Variants in CPNE4 observed in about 807,000 individuals in gnomAD.
CPNE4 encodes copine 4, also known as copine-4.
In CPNE4, 25 loss-of-function variants were observed where a neutral mutation model predicts 67.9. The ratio of observed to expected loss-of-function variants is 0.37; its 90% confidence interval spans 0.27 to 0.51. CPNE4 has a LOEUF of 0.51. CPNE4 is among the 20% of genes least tolerant of loss of function. The probability of loss-of-function intolerance (pLI) is 0.93; values close to 1 mark genes in which losing one functional copy is unlikely to be tolerated. For missense variants in CPNE4, 464 were observed against 690.8 expected (o/e 0.67, Z 3.68); for synonymous variants, 242 against 244.9 (o/e 0.99, Z 0.11).
intron 2 of CPNE4, among the ~76,000 whole-genome samples, chr3:131,726,055 C>T (rs13088573): frequency 0.37 from 55,752 of 151,982 alleles, 10,371 homozygotes; most frequent in South Asian, 0.42. Flanking sequence ...AAGAAGTATG[C>T]TGTGGGTGCA....
intron 5 of CPNE4, among the ~76,000 whole-genome samples, chr3:131,686,321 C>G (rs2080888179): frequency 6.6e-6 from 1 of 152,162 alleles, no homozygotes; most frequent in Non-Finnish European, 1.5e-5. Context: ...TATCTGTTGT[C>G]TTAAACAGGT....
chr3:131,645,660 G>C (rs2079646333), intron 7 of CPNE4, among the ~76,000 whole-genome samples: 1 of 152,122 alleles, frequency 6.6e-6, no homozygotes, highest in Admixed American at 6.5e-5. Context: ...ATTCTTTGAA[G>C]TCTCAAGAGC....
intron 1 of CPNE4, among the ~76,000 whole-genome samples, chr3:131,929,099 A>G (rs2070978029): frequency 6.6e-6 from 1 of 151,650 alleles, no homozygotes; most frequent in South Asian, 2.1e-4. Flanking sequence ...GGGCTGGTTA[A>G]GATTTCTCAG....
chr3:131,939,687 G>A (rs2071333259), intron 1 of CPNE4, among the ~76,000 whole-genome samples: 1 of 152,104 alleles, frequency 6.6e-6, no homozygotes, highest in African/African-American at 2.4e-5. Context: ...GGCAGCCAGT[G>A]ACAGCACTTA....
At chr3:131,601,411 T>C (rs924593442) in intron 7 of CPNE4, among the ~76,000 whole-genome samples, 1 of 151,948 alleles carries the variant, frequency 6.6e-6, no homozygotes, top group African/African-American at 2.4e-5. Context: ...TGCAAATAAA[T>C]AATAGTGATG....
At chr3:131,824,773 T>G (rs888339749) in intron 2 of CPNE4, among the ~76,000 whole-genome samples, 1 of 152,108 alleles carries the variant, frequency 6.6e-6, no homozygotes, top group African/African-American at 2.4e-5. Flanking sequence ...AAAGTGTCCT[T>G]CTGCTTGCTG....
chr3:131,693,111 T>C (rs1437808651), intron 5 of CPNE4, among the ~76,000 whole-genome samples: 1 of 152,170 alleles, frequency 6.6e-6, no homozygotes, highest in African/African-American at 2.4e-5. Context: ...AGATGATTGC[T>C]AGTCTGTTGA....
intron 15 of CPNE4, among the ~76,000 whole-genome samples, chr3:131,542,071 A>G (rs1020577902): frequency 6.6e-5 from 10 of 152,316 alleles, no homozygotes; most frequent in African/African-American, 1.9e-4. Context: ...TTAGGTTTCT[A>G]TCATTTTGGA....
chr3:131,587,235 T>C (rs1938239295), intron 8 of CPNE4, among the ~76,000 whole-genome samples: 1 of 152,174 alleles, frequency 6.6e-6, no homozygotes, highest in South Asian at 2.1e-4. Context: ...TTAGAAATAC[T>C]CTCATCTAAC....
At chr3:131,942,056 A>G (rs1245277841) in intron 1 of CPNE4, among the ~76,000 whole-genome samples, 6 of 152,084 alleles carry the variant, frequency 3.9e-5, no homozygotes, top group African/African-American at 1.2e-4. Context: ...TCAAAAAACT[A>G]TAGTTAAAAA....
intron 1 of CPNE4, among the ~76,000 whole-genome samples, chr3:132,010,161 G>GGC (rs2073717767): frequency 1.3e-5 from 2 of 152,108 alleles, no homozygotes; most frequent in Non-Finnish European, 2.9e-5. Flanking sequence ...TATGGCCTTG[G>GGC]GCAGATTGCC....
At chr3:131,893,554 C>G (rs2088203039) in intron 2 of CPNE4, among the ~76,000 whole-genome samples, 1 of 151,902 alleles carries the variant, frequency 6.6e-6, no homozygotes, top group Admixed American at 6.6e-5. Context: ...GAATGTTCTC[C>G]AGGATATATC....
intron 7 of CPNE4, among the ~76,000 whole-genome samples, chr3:131,627,442 T>G (rs1034851388): frequency 2.6e-5 from 4 of 152,112 alleles, no homozygotes; most frequent in African/African-American, 9.7e-5. Flanking sequence ...TACAAGGAGA[T>G]TCATTGTTGT....
At chr3:131,904,946 G>C (rs2088688769) in intron 2 of CPNE4, among the ~76,000 whole-genome samples, 1 of 152,052 alleles carries the variant, frequency 6.6e-6, no homozygotes, top group Non-Finnish European at 1.5e-5. Flanking sequence ...CTGGGGTCTG[G>C]GTTCACGTCT....
At chr3:131,979,041 G>A (rs2072833415) in intron 1 of CPNE4, among the ~76,000 whole-genome samples, 1 of 152,034 alleles carries the variant, frequency 6.6e-6, no homozygotes, top group African/African-American at 2.4e-5. Context: ...TTATTCCACT[G>A]TGGTCTGAGA....
intron 12 of CPNE4, among the ~76,000 whole-genome samples, chr3:131,552,885 T>A (rs1936260062): frequency 1.3e-5 from 2 of 151,958 alleles, no homozygotes; most frequent in South Asian, 4.1e-4. Flanking sequence ...ACAAAAAAAC[T>A]CAATAACCCA....
At chr3:131,692,517 T>C (rs1353471171) in intron 5 of CPNE4, among the ~76,000 whole-genome samples, 1 of 152,212 alleles carries the variant, frequency 6.6e-6, no homozygotes, top group Non-Finnish European at 1.5e-5. Flanking sequence ...CTATGGCACA[T>C]GAGCCAAATC....
intron 2 of CPNE4, among the ~76,000 whole-genome samples, chr3:131,839,600 C>T (rs2108015034): frequency 6.6e-6 from 1 of 151,916 alleles, no homozygotes; most frequent in Non-Finnish European, 1.5e-5. Flanking sequence ...TTCATTTATA[C>T]ATATATAGTA....
upstream of CPNE4, chr3:132,035,052 T>G (rs1473887159): frequency 2.0e-6 from 2 of 985,198 alleles, no homozygotes; most frequent in African/African-American, 3.5e-5. Flanking sequence ...AGAGACTGGT[T>G]CCGAAACCTC....
Sources: gnomAD v4.1 joint callset for allele counts (sites outside exome capture counted in the v4.1 genomes callset) on GRCh38, gnomAD v4.1.1 for gene constraint, MANE v1.5 for transcripts, NCBI Gene and HGNC (gene_info 2026-07-23, HGNC 2026-07-21) for gene names.